Variants in ATRNL1 observed in about 807,000 individuals in gnomAD.
ATRNL1 encodes attractin-like protein 1.
Under a neutral mutation model 182.7 loss-of-function variants are expected in ATRNL1, and 95 were observed. That is an observed-to-expected ratio of 0.52 (90% confidence interval 0.44 to 0.62). The LOEUF (loss-of-function observed/expected upper bound fraction) is 0.62. Among genes scored for constraint, ATRNL1 ranks in the 20% least tolerant of loss-of-function variants. ATRNL1 has a pLI of 0.00. For synonymous variants in ATRNL1, 576 were observed against 568.3 expected (o/e 1.01, Z -0.19); for missense variants, 1,471 against 1,679.5 (o/e 0.88, Z 2.17).
At chr10:115,206,015 A>T (rs1054911551) in intron 8 of ATRNL1, among the ~76,000 whole-genome samples, 3 of 152,040 alleles carry the variant, frequency 2.0e-5, no homozygotes. Flanking sequence ...CACTGACTGT[A>T]TAGATTATCT....
chr10:115,909,145 C>T (rs1265726988), intron 28 of ATRNL1, among the ~76,000 whole-genome samples: 1 of 151,684 alleles, frequency 6.6e-6, no homozygotes, highest in Non-Finnish European at 1.5e-5. Flanking sequence ...TTTTCTCTCT[C>T]CCCCTAGGCG....
chr10:115,223,930 T>TA (rs1491447423), intron 9 of ATRNL1, among the ~76,000 whole-genome samples: 1,647 of 36,848 alleles, frequency 0.045, 25 homozygotes, highest in African/African-American at 0.08. Context: ...TATATATATA[T>TA]TTTTTTTTTT....
chr10:115,409,120 G>C (rs1845007265), intron 20 of ATRNL1, among the ~76,000 whole-genome samples: 1 of 152,042 alleles, frequency 6.6e-6, no homozygotes, highest in Non-Finnish European at 1.5e-5. Flanking sequence ...AATGTCATTG[G>C]TAGTTTGAAA....
At chr10:115,422,297 A>G (rs374795608) in intron 20 of ATRNL1, among the ~76,000 whole-genome samples, 20 of 152,342 alleles carry the variant, frequency 1.3e-4, no homozygotes, top group Middle Eastern at 6.8e-3. Flanking sequence ...TATGCATCCC[A>G]CAAGGATCTA....
chr10:115,460,402 T>A (rs531845288), intron 21 of ATRNL1, among the ~76,000 whole-genome samples: 1 of 152,032 alleles, frequency 6.6e-6, no homozygotes, highest in East Asian at 1.9e-4. Context: ...TGCTTGGTCT[T>A]AGGAAAAAAT....
chr10:115,534,082 G>T (rs1554989376), intron 25 of ATRNL1, among the ~76,000 whole-genome samples: 4 of 152,012 alleles, frequency 2.6e-5, no homozygotes, highest in Admixed American at 6.6e-5. Flanking sequence ...TATATTCTGT[G>T]GATTTGGGAT....
intron 26 of ATRNL1, among the ~76,000 whole-genome samples, chr10:115,646,952 TC>T (rs1859663875): frequency 5.0e-5 from 1 of 20,060 alleles, no homozygotes; most frequent in Non-Finnish European, 9.9e-5. Flanking sequence ...CCTCCCCCCC[TC>T]CCCCCACCCC....
chr10:115,780,983 A>G (rs1302404814), intron 27 of ATRNL1, among the ~76,000 whole-genome samples: 1 of 152,196 alleles, frequency 6.6e-6, no homozygotes, highest in African/African-American at 2.4e-5. Flanking sequence ...ATACATCTAT[A>G]TATGTGAACT....
intron 28 of ATRNL1, among the ~76,000 whole-genome samples, chr10:115,893,838 T>G (rs1304885099): frequency 2.0e-5 from 3 of 152,184 alleles, no homozygotes; most frequent in African/African-American, 7.2e-5. Context: ...CACAGATGTT[T>G]GGTGTGGATA....
At chr10:115,365,452 T>A (rs1554945632) in intron 19 of ATRNL1, among the ~76,000 whole-genome samples, 1 of 152,114 alleles carries the variant, frequency 6.6e-6, no homozygotes, top group African/African-American at 2.4e-5. Flanking sequence ...TGAATTTTGT[T>A]GATCCTTTCA....
intron 26 of ATRNL1, among the ~76,000 whole-genome samples, chr10:115,582,754 A>G (rs1397737643): frequency 6.7e-6 from 1 of 149,248 alleles, no homozygotes; most frequent in African/African-American, 2.4e-5. Context: ...GTTTAATTAG[A>G]TCCCATTTGT....
Position 115,467,185 on chromosome 10 carries a change from T to C in ATRNL1, c.3429T>C (p.Asn1143=). ...TTCTTTTCTGGTAGTCGAACAAAAA[T>C]CTGGATATATCAATTAATGCATCAA... ...FIANPEQSNK[N]LDISINASNN... The change falls in exon 23 of 29, where the codon AAT becomes AAC. Residue 1143 remains asparagine (N), a synonymous_variant. Transcript: ENST00000355044. The C allele has an allele frequency of 6.2e-7, 1 of 1,603,224 alleles. No homozygotes were observed. The highest frequency in any genetic ancestry group is 8.5e-7 in the Non-Finnish European group (1 of 1,173,216).
chr10:115,591,332 A>T (rs2804202), intron 26 of ATRNL1, among the ~76,000 whole-genome samples: 72,297 of 151,876 alleles, frequency 0.48, 18,664 homozygotes, highest in East Asian at 0.84. Flanking sequence ...GTTACTCCAA[A>T]ATTATGAATC....
chr10:115,340,052 C>A (rs559520127), intron 19 of ATRNL1, among the ~76,000 whole-genome samples: 2 of 152,266 alleles, frequency 1.3e-5, no homozygotes, highest in South Asian at 4.1e-4. Flanking sequence ...GGGGATAAAT[C>A]CCACTTGGTT....
chr10:115,380,908 G>C (rs1209232544), intron 19 of ATRNL1, among the ~76,000 whole-genome samples: 1 of 152,150 alleles, frequency 6.6e-6, no homozygotes, highest in Non-Finnish European at 1.5e-5. Flanking sequence ...ATTTCTAGAA[G>C]TAGATTTGCT....
intron 27 of ATRNL1, among the ~76,000 whole-genome samples, chr10:115,768,092 T>C (rs545812315): frequency 6.6e-6 from 1 of 152,322 alleles, no homozygotes; most frequent in South Asian, 2.1e-4. Flanking sequence ...AAAATATTTC[T>C]TATTCATTTC....
chr10:115,839,842 T>C (rs562393590), intron 27 of ATRNL1, among the ~76,000 whole-genome samples: 1 of 152,196 alleles, frequency 6.6e-6, no homozygotes, highest in Non-Finnish European at 1.5e-5. Flanking sequence ...ATCTATCAGC[T>C]GTATTCTTAT....
At chr10:115,479,014 G>A (rs1443096787) in intron 24 of ATRNL1, among the ~76,000 whole-genome samples, 1 of 151,534 alleles carries the variant, frequency 6.6e-6, no homozygotes, top group Non-Finnish European at 1.5e-5. Context: ...AAGACTTCAT[G>A]TGGGTAAAGA....
chr10:115,433,000 A>C (rs1201729253), intron 21 of ATRNL1, among the ~76,000 whole-genome samples: 2 of 152,068 alleles, frequency 1.3e-5, no homozygotes, highest in Non-Finnish European at 2.9e-5. Flanking sequence ...TAATTCTTTA[A>C]ATACATGTAA....
Sources: gnomAD v4.1 joint callset for allele counts (sites outside exome capture counted in the v4.1 genomes callset) on GRCh38, gnomAD v4.1.1 for gene constraint, MANE v1.5 for transcripts, NCBI Gene and HGNC (gene_info 2026-07-23, HGNC 2026-07-21) for gene names.